Variants in SLC6A19 observed in about 807,000 individuals in gnomAD.
SLC6A19 encodes the protein solute carrier family 6 member 19.
SLC6A19 carries 67 observed loss-of-function variants against 68.3 expected under a neutral mutation model. The observed-to-expected ratio is 0.98, with a 90% confidence interval of 0.81 to 1.20. The LOEUF is 1.20. SLC6A19 is among the 50% of genes most tolerant of loss of function. The probability of loss-of-function intolerance (pLI) is 0.00; values close to 1 mark genes in which losing one functional copy is unlikely to be tolerated. For synonymous variants in SLC6A19, 392 were observed against 374.9 expected, an observed-to-expected ratio of 1.05 and a Z score of -0.53; for missense variants, 813 against 851.6, an observed-to-expected ratio of 0.95 and a Z score of 0.56.
rs902426205 is a variant in SLC6A19 at position 1,208,805 on chromosome 5, C to G, written c.262C>G (p.Leu88Val). Residue 88 changes from leucine to valine, a missense_variant, in exon 2 of 12, where the codon CTG becomes GTG. Coordinates refer to ENST00000304460, the MANE Select transcript of SLC6A19 (RefSeq NM_001003841.3). Reference protein sequence around the residue: ...LVLEGIPLLYLEFAIGQRLRR... With the variant: ...LVLEGIPLLYVEFAIGQRLRR... ...CCTGGAGGGCATCCCCCTGCTGTACCTGGAGTTCGCCATCGGGCAGCGGCT... is the reference window on the plus strand; with the variant it reads ...CCTGGAGGGCATCCCCCTGCTGTACGTGGAGTTCGCCATCGGGCAGCGGCT... The G allele has an allele frequency of 6.2e-7, 1 of 1,613,264 alleles. No individual in the cohort carries two copies. The highest frequency in any genetic ancestry group is 8.5e-7 in the Non-Finnish European group (1 of 1,179,982).
rs1561164991 is a variant in SLC6A19 at position 1,212,385 on chromosome 5, CGACTCGGGCTCCATCCAGTGGT to C, written c.566_587del (p.Asp189GlyfsTer39). 1 of 1,613,256 alleles carries C rather than the reference CGACTCGGGCTCCATCCAGTGGT, an allele frequency of 6.2e-7. No homozygotes were observed. The highest frequency in any genetic ancestry group is 8.5e-7 in the Non-Finnish European group (1 of 1,179,970). ...CGCTCAACATCTCCACGTCCATCAGCGACTCGGGCTCCATCCAGTGGTGGATGCTGCTGTGCCTGGCCTGCGC... is the reference window on the plus strand; with the variant it reads ...CGCTCAACATCTCCACGTCCATCAGCGGATGCTGCTGTGCCTGGCCTGCGC... On this transcript the variant is annotated frameshift_variant, in exon 4 of 12. Transcript: ENST00000304460. LOFTEE classifies it high-confidence loss of function. This position sits in a 1 kb window ranked among gnomAD's most constrained non-coding sequence, Gnocchi z 5.1.
At chr5:1,205,540 C>T (rs1389309085) in intron 1 of SLC6A19, among the ~76,000 whole-genome samples, 4 of 152,200 alleles carry the variant, frequency 2.6e-5, no homozygotes. Context: ...GGAGAGCCAC[C>T]AGGAGCAAGG....
At chr5:1,213,397 T>TG in intron 4 of SLC6A19, 66 bp from the exon 5 acceptor site, 1 of 265,364 alleles carries the variant, frequency 3.8e-6, no homozygotes, top group Non-Finnish European at 6.1e-6. Flanking sequence ...CGCCCCCACG[T>TG]GCCGCCCCCA....
At position 1,210,584 on chromosome 5, in the gene SLC6A19, G is replaced by C; in HGVS notation, c.481+3G>C. On this transcript the variant is annotated splice_donor_region_variant and intron_variant, in intron 3 of 11. Coordinates refer to ENST00000304460, the MANE Select transcript of SLC6A19 (RefSeq NM_001003841.3). ...CCCGCTCAACGAGAACCAGACAGGT[G>C]AGTCCTTGCAAGCAGCCCCATCCGT... 1.2e-6 allele frequency: 2 copies of C among 1,612,472 alleles called. No individual in the cohort carries two copies. The highest frequency in any genetic ancestry group is 1.7e-6 in the Non-Finnish European group (2 of 1,180,014).
At chr5:1,202,579 G>C (rs62331278) in intron 1 of SLC6A19, among the ~76,000 whole-genome samples, 3,782 of 152,284 alleles carry the variant, frequency 0.025, 93 homozygotes, top group Non-Finnish European at 0.038. Flanking sequence ...CCTTGGGCTT[G>C]GCGAACCCCA....
intron 1 of SLC6A19, among the ~76,000 whole-genome samples, chr5:1,203,162 T>C (rs1346897913): frequency 2.6e-5 from 4 of 152,082 alleles, no homozygotes; most frequent in Non-Finnish European, 5.9e-5. Context: ...GGCAGACACA[T>C]GCCTCCTGGG....
intron 1 of SLC6A19, among the ~76,000 whole-genome samples, chr5:1,204,497 C>T (rs900197856): frequency 6.6e-6 from 1 of 152,204 alleles, no homozygotes; most frequent in African/African-American, 2.4e-5. Context: ...AGGGCTCACC[C>T]CACTCACCCC....
chr5:1,213,975 A>T lies in SLC6A19; in HGVS notation c.797A>T (p.Asp266Val), dbSNP rs1284001096. ...TPNVTELAQP[D>V]TWLDAGAQVF... ...CAGGTCACGGAGCTGGCCCAGCCGG[A>T]CACCTGGCTGGACGCGGGCGCACAG... Residue 266 changes from aspartate (D) to valine (V), a missense_variant, in exon 6 of 12, where the codon GAC (aspartate) becomes GTC (valine). By Grantham distance (152) the Asp-to-Val change is radical. Transcript: ENST00000304460. The T allele has an allele frequency of 1.9e-6, 3 of 1,613,414 alleles. No individual in the cohort carries two copies. The highest frequency in any genetic ancestry group is 4.5e-5 in the East Asian group (2 of 44,862).
chr5:1,208,613 A>T, intron 1 of SLC6A19, 133 bp from the exon 2 acceptor site: 1 of 1,225,110 alleles, frequency 8.2e-7, no homozygotes. Flanking sequence ...TGGCTGCTCC[A>T]TCTCAGCTCT....
intron 10 of SLC6A19, 77 bp from the exon 11 acceptor site, chr5:1,221,074 T>C: frequency 6.5e-7 from 1 of 1,549,976 alleles, no homozygotes; most frequent in South Asian, 1.2e-5. Flanking sequence ...TCTGTTCGGG[T>C]AGCAGAACGT....
chr5:1,208,132 C>T (rs912531493), intron 1 of SLC6A19, among the ~76,000 whole-genome samples: 4 of 152,218 alleles, frequency 2.6e-5, no homozygotes, highest in Non-Finnish European at 4.4e-5. Context: ...ATGTAACCAG[C>T]ACCTGGGCTC....
chr5:1,221,120 CA>C (rs1263692593), intron 10 of SLC6A19, 30 bp from the exon 11 acceptor site: 2 of 1,609,242 alleles, frequency 1.2e-6, no homozygotes, highest in East Asian at 4.5e-5. Flanking sequence ...CAGCTGGTAG[CA>C]GCAGTGACAG....
Position 1,214,119 on chromosome 5 carries a change from G to A in SLC6A19, c.887+54G>A. On this transcript the variant is annotated intron_variant, in intron 6 of 11. Coordinates refer to ENST00000304460, the MANE Select transcript of SLC6A19 (RefSeq NM_001003841.3). The surrounding 1 kb of genome is among the most constrained non-coding windows in gnomAD (Gnocchi z 7.4). ...TCCCTCTCAGTCCTGGGGGGATCTT[G>A]CTGGGAGGATAAAAGACAAGGTGGA... is the stretch of plus-strand genomic sequence containing the variant. The A allele has an allele frequency of 6.2e-7, 1 of 1,612,330 alleles. No homozygotes were observed. Among genetic ancestry groups the A allele is most frequent in the Non-Finnish European group, 8.5e-7 (1 of 1,179,558 alleles).
At chr5:1,208,458 G>A (rs143635264) in intron 1 of SLC6A19, among the ~76,000 whole-genome samples, 2 of 152,328 alleles carry the variant, frequency 1.3e-5, no homozygotes, top group African/African-American at 4.8e-5. Flanking sequence ...GTCAGAGCGC[G>A]TGAGGCATGG....
intron 3 of SLC6A19, among the ~76,000 whole-genome samples, chr5:1,211,641 G>C (rs1361516228): frequency 6.6e-6 from 1 of 152,152 alleles, no homozygotes; most frequent in Non-Finnish European, 1.5e-5. Context: ...CTATGTGTGT[G>C]CTGTGTGTGC....
chr5:1,210,393 C>G, intron 2 of SLC6A19, 51 bp from the exon 3 acceptor site: 2 of 1,607,338 alleles, frequency 1.2e-6, no homozygotes, highest in Non-Finnish European at 8.5e-7. Flanking sequence ...GGATGGGTGG[C>G]CAGTGGAGGG....
chr5:1,220,409 C>CA (rs70957336), intron 10 of SLC6A19, among the ~76,000 whole-genome samples: 35,101 of 105,338 alleles, frequency 0.33, 5,214 homozygotes, highest in East Asian at 0.42. Context: ...GGCTCCATCT[C>CA]AAAAAAAAAA....
chr5:1,208,886 G>C lies in SLC6A19; in HGVS notation c.343G>C (p.Gly115Arg), dbSNP rs758937137. 6.2e-7 allele frequency: 1 copy of C among 1,611,590 alleles called. No homozygotes were observed. The change falls in exon 2 of 12, where the codon GGC becomes CGC. Residue 115 changes from glycine (G) to arginine (R), a missense_variant and splice_region_variant. Transcript: ENST00000304460. ...SSIHPALKGL[G>R]LASMLTSFMV... Reference sequence around the variant, plus strand: ...CATCCACCCGGCCCTGAAGGGCCTAGGTGAGTGCCTCGGAGCAGTTCCACC... The same window carrying C: ...CATCCACCCGGCCCTGAAGGGCCTACGTGAGTGCCTCGGAGCAGTTCCACC...
rs1321730066 is a variant in SLC6A19, at chr5:1,209,809, A to G, written c.344-635A>G. 6.7e-6 allele frequency among the ~76,000 whole-genome samples: 1 copy of G among 149,554 alleles called. No homozygotes were observed. The highest frequency in any genetic ancestry group is 2.5e-5 in the African/African-American group (1 of 40,312). The stretch of plus-strand genomic sequence containing the variant: ...GTCTCTCCCCCTGTCTCTCTTCCCC[A>G]TCTCACACTCACATATTCACAACAC... On this transcript the variant is annotated intron_variant, in intron 2 of 11. Coordinates refer to ENST00000304460, the MANE Select transcript of SLC6A19 (RefSeq NM_001003841.3). This position sits in a 1 kb window ranked among gnomAD's most constrained non-coding sequence, Gnocchi z 5.5.
Sources: allele counts gnomAD v4.1 joint callset (sites outside exome capture counted in the v4.1 genomes callset), GRCh38; gene constraint gnomAD v4.1.1; non-coding constraint Gnocchi (gnomAD v3.1); transcripts MANE v1.5; gene names NCBI Gene and HGNC (gene_info 2026-07-23, HGNC 2026-07-21).